Variants in PPP2R3A observed in about 807,000 individuals in gnomAD.
The protein encoded by PPP2R3A is protein phosphatase 2 regulatory subunit B''alpha.
Under a neutral mutation model 106.9 loss-of-function variants are expected in PPP2R3A, and 80 were observed. The ratio of observed to expected loss-of-function variants is 0.75; its 90% CI spans 0.62 to 0.90. The LOEUF is 0.90. Among genes scored for constraint, PPP2R3A ranks in the 40% least tolerant of loss-of-function variants. PPP2R3A has a pLI of 0.00. For missense variants in PPP2R3A, 1,386 were observed against 1,350.4 expected, an observed-to-expected ratio of 1.03 and a Z score of -0.41; for synonymous variants, 483 against 468.3, an observed-to-expected ratio of 1.03 and a Z score of -0.41.
intron 1 of PPP2R3A, among the ~76,000 whole-genome samples, chr3:135,976,904 AT>A (rs1325314787): frequency 6.6e-6 from 1 of 152,112 alleles, no homozygotes; most frequent in Non-Finnish European, 1.5e-5. Context: ...TAGAATAATA[AT>A]TTTAATAGGT....
intron 1 of PPP2R3A, among the ~76,000 whole-genome samples, chr3:135,993,493 A>G (rs1933261521): frequency 6.6e-6 from 1 of 152,224 alleles, no homozygotes; most frequent in Non-Finnish European, 1.5e-5. Flanking sequence ...GCAGGTTCTT[A>G]TAAAGTTAAA....
intron 3 of PPP2R3A, among the ~76,000 whole-genome samples, chr3:136,027,873 G>C (rs1048668957): frequency 6.6e-6 from 1 of 152,202 alleles, no homozygotes; most frequent in Non-Finnish European, 1.5e-5. Context: ...GCTGCATGGA[G>C]GCAAGTAGGA....
intron 6 of PPP2R3A, among the ~76,000 whole-genome samples, chr3:136,075,846 C>T (rs1246609520): frequency 1.3e-5 from 2 of 152,098 alleles, no homozygotes; most frequent in Non-Finnish European, 2.9e-5. Context: ...TTGACTTTAA[C>T]TTGAGAGAGG....
chr3:136,022,635 C>A, intron 2 of PPP2R3A: 1 of 400,838 alleles, frequency 2.5e-6, no homozygotes, highest in Non-Finnish European at 3.4e-6. Context: ...TGACACCTCA[C>A]ATACCCTGAG....
At chr3:135,990,983 A>G (rs1200628811) in intron 1 of PPP2R3A, among the ~76,000 whole-genome samples, 1 of 151,956 alleles carries the variant, frequency 6.6e-6, no homozygotes, top group Non-Finnish European at 1.5e-5. Flanking sequence ...CTTGAGACTC[A>G]AATAATACCA....
chr3:136,002,990 A>G lies in PPP2R3A; in HGVS notation c.1492A>G (p.Arg498Gly). The change falls in exon 2 of 14, where the codon AGA becomes GGA. Residue 498 changes from arginine (R) to glycine (G), a missense_variant. Physicochemically the swap from Arg to Gly is moderately radical, Grantham distance 125. Transcript: ENST00000264977. ...TTCTAAATTTGAAGAGGGAGACCAG[A>G]GAGATTTTACAAATTCCAGTAGCCA... ...KVSKFEEGDQRDFTNSSSQEE... is the reference protein window; with the variant it reads ...KVSKFEEGDQGDFTNSSSQEE... The G allele has an allele frequency of 6.2e-7, 1 of 1,613,642 alleles. No homozygotes were observed. Among genetic ancestry groups the G allele is most frequent in the Non-Finnish European group, 8.5e-7 (1 of 1,179,842 alleles).
intron 13 of PPP2R3A, among the ~76,000 whole-genome samples, chr3:136,144,662 A>G (rs1217664457): frequency 5.0e-5 from 7 of 138,832 alleles, no homozygotes; most frequent in Non-Finnish European, 9.0e-5. Context: ...CTCCGTCTCA[A>G]AAAAAAAAAA....
In PPP2R3A at chr3:136,026,840, T is replaced by C. The variant is rs1355251038; in HGVS notation, c.2004T>C (p.Asn668=). ...QQTPEVIKIQ[N]KPEKKPGTPL... Reference sequence around the variant, plus strand: ...TCTTATTTTTCTTTTAGATTCAAAATAAACCAGAAAAGAAACCTGGAACAC... The same window carrying C: ...TCTTATTTTTCTTTTAGATTCAAAACAAACCAGAAAAGAAACCTGGAACAC... The change falls in exon 3 of 14, where the codon AAT becomes AAC. Residue 668 remains asparagine, a synonymous_variant. Transcript: ENST00000264977. The C allele has an allele frequency of 6.2e-7, 1 of 1,601,816 alleles. No individual in the cohort carries two copies. The highest frequency in any genetic ancestry group is 2.2e-5 in the East Asian group (1 of 44,766).
intron 1 of PPP2R3A, among the ~76,000 whole-genome samples, chr3:135,981,912 C>T (rs1019197236): frequency 6.6e-6 from 1 of 151,564 alleles, no homozygotes; most frequent in Non-Finnish European, 1.5e-5. Context: ...AGACTTTGTT[C>T]AAAATGCATT....
At chr3:135,986,510 T>C (rs980937328) in intron 1 of PPP2R3A, among the ~76,000 whole-genome samples, 12 of 152,298 alleles carry the variant, frequency 7.9e-5, no homozygotes, top group Middle Eastern at 6.8e-3. Flanking sequence ...CTGGCTATTA[T>C]ACTAGATTTC....
At chr3:136,136,079 T>A (rs200149137) in intron 13 of PPP2R3A, among the ~76,000 whole-genome samples, 29 of 46,426 alleles carry the variant, frequency 6.2e-4, no homozygotes, top group Non-Finnish European at 7.8e-4. Flanking sequence ...AAAAATTATA[T>A]ATATATATAT....
intron 13 of PPP2R3A, among the ~76,000 whole-genome samples, chr3:136,129,837 C>T (rs1291147863): frequency 1.3e-5 from 2 of 152,176 alleles, no homozygotes; most frequent in African/African-American, 4.8e-5. Flanking sequence ...AGCTTCATCC[C>T]TGGGATGCAA....
intron 1 of PPP2R3A, among the ~76,000 whole-genome samples, chr3:135,968,165 A>G (rs911133742): frequency 2.0e-5 from 3 of 152,206 alleles, no homozygotes; most frequent in East Asian, 3.8e-4. Flanking sequence ...TGTTTTGCCA[A>G]CTGGACACTA....
intron 13 of PPP2R3A, among the ~76,000 whole-genome samples, chr3:136,136,065 A>T (rs1471380797): frequency 4.5e-4 from 14 of 30,794 alleles, no homozygotes; most frequent in South Asian, 1.3e-3. Flanking sequence ...AAAAAAAAAA[A>T]AAAAAAAATT....
rs1203717803 is a variant in PPP2R3A, at chr3:136,136,066, A to T, written c.3330-8977A>T. 4.8e-3 allele frequency among the ~76,000 whole-genome samples: 164 copies of T among 34,238 alleles called. 17 individuals are homozygous for T. In the East Asian group the frequency reaches 0.064, roughly 13 times the overall value. 22.5% of individuals were successfully genotyped at this position (34,238 alleles called of 152,430 possible). A position where few individuals can be genotyped will look rare whatever the true frequency, so the allele number is the denominator to read the frequency against. ...GTCTCAAAAAAAAAAAAAAAAAAAA[A>T]AAAAAAATTATATATATATATATAT... On this transcript the variant is annotated intron_variant, in intron 13 of 13. Coordinates refer to ENST00000264977, the MANE Select transcript of PPP2R3A (RefSeq NM_002718.5).
In PPP2R3A at chr3:136,072,499, C is replaced by T. The variant is rs141437988; in HGVS notation, c.2544+1947C>T. Among the ~76,000 whole-genome samples the T allele has an allele frequency of 2.9e-3, 437 of 152,222 alleles. 1 individual carries two copies. Among genetic ancestry groups the T allele is most frequent in the African/African-American group, 5.2e-3 (214 of 41,542 alleles). On this transcript the variant is annotated intron_variant, in intron 6 of 13. Transcript: ENST00000264977. ...CCCAGCTACTCAGGAGGCTGAGGCA[C>T]GGGAATCACTTGAACCCAGGAGGTG...
chr3:136,038,779 G>T (rs1935165143), intron 3 of PPP2R3A, among the ~76,000 whole-genome samples: 1 of 152,238 alleles, frequency 6.6e-6, no homozygotes, highest in Non-Finnish European at 1.5e-5. Context: ...ATTGGGGAAA[G>T]TGGATTCAAC....
intron 1 of PPP2R3A, 63 bp downstream of exon 1, chr3:135,965,912 G>C (rs1383244586): frequency 6.5e-6 from 1 of 152,792 alleles, no homozygotes; most frequent in Non-Finnish European, 1.5e-5. Flanking sequence ...CGGCCCGAGG[G>C]GGTGGCGAGG....
chr3:136,145,212 C>G lies in PPP2R3A; in HGVS notation c.*46C>G, dbSNP rs1244086325. The G allele has an allele frequency of 3.8e-6, 6 of 1,568,820 alleles. No individual in the cohort carries two copies. Among genetic ancestry groups the G allele is most frequent in the South Asian group, 1.2e-5 (1 of 83,736 alleles). On this transcript the variant is annotated 3_prime_UTR_variant, in exon 14 of 14. Transcript: ENST00000264977. The stretch of plus-strand genomic sequence containing the variant: ...ACGAAGATGTGTATTTTAAATGTTT[C>G]TTTCTTGTGAAGAGATGTTCTCGTT...
Sources: gnomAD v4.1 joint callset for allele counts (sites outside exome capture counted in the v4.1 genomes callset) on GRCh38, gnomAD v4.1.1 for gene constraint, MANE v1.5 for transcripts, NCBI Gene and HGNC (gene_info 2026-07-23, HGNC 2026-07-21) for gene names.